SNTG1: variants seen among roughly 807,000 people sequenced by gnomAD.
SNTG1 encodes the protein syntrophin gamma 1, also known as gamma-1-syntrophin.
A neutral mutation model predicts 74.7 loss-of-function variants in SNTG1; 39 were observed. The observed-to-expected ratio is 0.52, with a 90% confidence interval of 0.40 to 0.68. The LOEUF (loss-of-function observed/expected upper bound fraction) is 0.68. SNTG1 is among the 30% of genes least tolerant of loss of function. The probability of loss-of-function intolerance (pLI) is 0.00; values close to 1 mark genes in which losing one functional copy is unlikely to be tolerated. For missense variants in SNTG1, 685 were observed against 609.5 expected, an observed-to-expected ratio of 1.12 and a Z score of -1.30; for synonymous variants, 254 against 217.1, an observed-to-expected ratio of 1.17 and a Z score of -1.49.
At chr8:50,685,034 C>T (rs1352627322) in intron 15 of SNTG1, among the ~76,000 whole-genome samples, 1 of 151,790 alleles carries the variant, frequency 6.6e-6, no homozygotes, top group Non-Finnish European at 1.5e-5. Flanking sequence ...CTTCACTTCT[C>T]CAAGCCCAGT....
intron 8 of SNTG1, among the ~76,000 whole-genome samples, chr8:50,458,580 C>A (rs1367690305): frequency 6.6e-6 from 1 of 151,710 alleles, no homozygotes; most frequent in Non-Finnish European, 1.5e-5. Flanking sequence ...AGAAAAATAT[C>A]CAGACTTCTT....
intron 5 of SNTG1, among the ~76,000 whole-genome samples, chr8:50,446,558 A>C (rs1347089494): frequency 6.6e-6 from 1 of 152,092 alleles, no homozygotes; most frequent in Non-Finnish European, 1.5e-5. Context: ...GAGTGGCTGT[A>C]ATCCCAGCTA....
chr8:50,171,694 G>A (rs1048311429), intron 1 of SNTG1, among the ~76,000 whole-genome samples: 1 of 152,106 alleles, frequency 6.6e-6, no homozygotes, highest in Non-Finnish European at 1.5e-5. Context: ...TCTGGTTAAG[G>A]GTTCTCGACT....
intron 2 of SNTG1, among the ~76,000 whole-genome samples, chr8:50,290,135 G>T (rs74321757): frequency 0.06 from 9,203 of 152,172 alleles, 314 homozygotes; most frequent in South Asian, 0.074. Flanking sequence ...CCCACACAGG[G>T]CTGGGGTCTC....
intron 1 of SNTG1, among the ~76,000 whole-genome samples, chr8:49,917,944 C>T (rs1040796494): frequency 6.6e-6 from 1 of 150,592 alleles, no homozygotes; most frequent in Non-Finnish European, 1.5e-5. Context: ...GTGAAATCTA[C>T]TTTTTGCTTT....
intron 4 of SNTG1, among the ~76,000 whole-genome samples, chr8:50,430,736 G>T (rs1172456110): frequency 3.3e-5 from 5 of 152,042 alleles, no homozygotes; most frequent in African/African-American, 1.2e-4. Flanking sequence ...CATAAGGAAG[G>T]GTGTATATGC....
At chr8:50,449,490 C>T (rs977994199) in intron 5 of SNTG1, among the ~76,000 whole-genome samples, 178 bp from the exon 6 acceptor site, 1 of 152,180 alleles carries the variant, frequency 6.6e-6, no homozygotes. Flanking sequence ...CAGCAAAATT[C>T]TAAACAGGTA....
At chr8:50,776,152 CT>C (rs2095640194) in intron 18 of SNTG1, among the ~76,000 whole-genome samples, 1 of 150,672 alleles carries the variant, frequency 6.6e-6, no homozygotes, top group Non-Finnish European at 1.5e-5. Context: ...TGTTCTCTCT[CT>C]TTTCCATTTT....
At chr8:50,601,202 A>C (rs2094772581) in intron 13 of SNTG1, among the ~76,000 whole-genome samples, 2 of 143,332 alleles carry the variant, frequency 1.4e-5, no homozygotes, top group South Asian at 2.2e-4. Context: ...TAGGCTATTA[A>C]GCTATTTCTT....
intron 2 of SNTG1, among the ~76,000 whole-genome samples, chr8:50,338,681 GA>G (rs1173716656): frequency 6.6e-6 from 1 of 151,730 alleles, no homozygotes; most frequent in Non-Finnish European, 1.5e-5. Flanking sequence ...TACAGCTAAG[GA>G]AAAAAATAGT....
At chr8:50,234,594 T>C (rs538047183) in intron 2 of SNTG1, among the ~76,000 whole-genome samples, 1 of 152,140 alleles carries the variant, frequency 6.6e-6, no homozygotes, top group South Asian at 2.1e-4. Context: ...AAAAACTGGG[T>C]GAAGGGTACA....
chr8:50,220,281 A>C (rs561297492), intron 2 of SNTG1, among the ~76,000 whole-genome samples: 5 of 152,300 alleles, frequency 3.3e-5, no homozygotes, highest in African/African-American at 1.2e-4. Flanking sequence ...TTTGAACCAC[A>C]CAAACTGCAA....
intron 4 of SNTG1, among the ~76,000 whole-genome samples, chr8:50,423,650 T>C (rs1348422763): frequency 1.3e-5 from 2 of 152,178 alleles, no homozygotes; most frequent in Admixed American, 6.6e-5. Flanking sequence ...AAGCCAACTA[T>C]GAAGAAGGGT....
Position 50,331,144 on chromosome 8 carries a change from C to T in SNTG1, c.-27-63068C>T, listed in dbSNP as rs180734079. Among the ~76,000 whole-genome samples the T allele has an allele frequency of 1.6e-3, 248 of 152,128 alleles. 1 individual carries two copies. The highest frequency in any genetic ancestry group is 9.7e-4 in the East Asian group (5 of 5,174). On this transcript the variant is annotated intron_variant, in intron 2 of 18. Coordinates refer to ENST00000642720, the MANE Select transcript of SNTG1 (RefSeq NM_018967.5). Reference sequence around the variant, plus strand: ...GTATGTGCACATTTGTACGTACATGCTATATAACTGTCAGGGAAATCATCG... The same window carrying T: ...GTATGTGCACATTTGTACGTACATGTTATATAACTGTCAGGGAAATCATCG...
At chr8:50,514,507 T>A (rs1048952925) in intron 9 of SNTG1, among the ~76,000 whole-genome samples, 3 of 152,202 alleles carry the variant, frequency 2.0e-5, no homozygotes, top group Non-Finnish European at 4.4e-5. Context: ...CAAAACTTCA[T>A]TGTTTAATTT....
intron 12 of SNTG1, among the ~76,000 whole-genome samples, chr8:50,576,125 T>G (rs1165216926): frequency 6.6e-6 from 1 of 152,206 alleles, no homozygotes; most frequent in Non-Finnish European, 1.5e-5. Context: ...CAGCTTTATG[T>G]CTTATGCTCA....
At chr8:50,726,423 C>G (rs2095500242) in intron 17 of SNTG1, among the ~76,000 whole-genome samples, 1 of 152,112 alleles carries the variant, frequency 6.6e-6, no homozygotes, top group Non-Finnish European at 1.5e-5. Context: ...GGGGAGCGCT[C>G]AAGTGGGGCC....
chr8:50,600,875 G>A lies in SNTG1; in HGVS notation c.849+9958G>A, dbSNP rs1353706970. Among the ~76,000 whole-genome samples the A allele has an allele frequency of 4.0e-5, 6 of 151,020 alleles. No individual in the cohort carries two copies. In the East Asian group the frequency reaches 9.8e-4, roughly 25 times the overall value. ...TGCTGTTGCTTGTCTAGTTCTTTAAGGCATATTAGGCTAGCTGGGCACGGT... is the reference window on the plus strand; with the variant it reads ...TGCTGTTGCTTGTCTAGTTCTTTAAAGCATATTAGGCTAGCTGGGCACGGT... On this transcript the variant is annotated intron_variant, in intron 13 of 18. Coordinates refer to ENST00000642720, the MANE Select transcript of SNTG1 (RefSeq NM_018967.5).
intron 1 of SNTG1, among the ~76,000 whole-genome samples, chr8:50,111,333 A>G (rs1015727456): frequency 3.3e-5 from 5 of 152,190 alleles, no homozygotes; most frequent in African/African-American, 1.2e-4. Context: ...GAAGGACGTC[A>G]TAAGGTGGGG....
Sources: gnomAD v4.1 joint callset for allele counts (sites outside exome capture counted in the v4.1 genomes callset) on GRCh38, gnomAD v4.1.1 for gene constraint, MANE v1.5 for transcripts, NCBI Gene and HGNC (gene_info 2026-07-23, HGNC 2026-07-21) for gene names.